The following SIPA1L3 variants were observed in gnomAD, a reference collection of about 807,000 sequenced individuals.
SIPA1L3 encodes signal induced proliferation associated 1 like 3.
In SIPA1L3, 59 loss-of-function variants were observed where a neutral mutation model predicts 150.1. That is an observed-to-expected ratio of 0.39 (90% CI 0.32 to 0.49). The LOEUF (loss-of-function observed/expected upper bound fraction) is 0.49. SIPA1L3 is among the 20% of genes least tolerant of loss of function. SIPA1L3 has a pLI of 0.86. For synonymous variants in SIPA1L3, 1,070 were observed against 1,077.6 expected (o/e 0.99, Z 0.14); for missense variants, 2,211 against 2,489.5 (o/e 0.89, Z 2.38).
At chr19:38,136,597 C>G (rs1276635407) in intron 10 of SIPA1L3, among the ~76,000 whole-genome samples, 2 of 152,098 alleles carry the variant, frequency 1.3e-5, no homozygotes, top group Non-Finnish European at 2.9e-5. Flanking sequence ...CAGCAAGACT[C>G]CGTCTCAAAA....
intron 9 of SIPA1L3, among the ~76,000 whole-genome samples, chr19:38,127,040 A>G (rs1266213173): frequency 6.6e-6 from 1 of 152,112 alleles, no homozygotes; most frequent in African/African-American, 2.4e-5. Flanking sequence ...TAAAAATACA[A>G]AATTAGCTGG....
At chr19:38,170,170 G>A (rs1457213169) in intron 15 of SIPA1L3, among the ~76,000 whole-genome samples, 2 of 152,142 alleles carry the variant, frequency 1.3e-5, no homozygotes, top group East Asian at 3.9e-4. Context: ...GCTAGCCAGG[G>A]AAGTCAGGAG....
chr19:38,049,329 C>T (rs2145756322), intron 2 of SIPA1L3, among the ~76,000 whole-genome samples: 1 of 152,304 alleles, frequency 6.6e-6, no homozygotes, highest in Admixed American at 6.5e-5. Flanking sequence ...GAGTCAGCTT[C>T]CGGGGTTTGG....
At chr19:38,053,005 A>G (rs1450003783) in intron 2 of SIPA1L3, among the ~76,000 whole-genome samples, 1 of 152,242 alleles carries the variant, frequency 6.6e-6, no homozygotes, top group Non-Finnish European at 1.5e-5. Context: ...GGGCCACACT[A>G]GAGGCCAGAG....
Position 38,208,069 on chromosome 19 carries a change from C to T in SIPA1L3, c.*1829C>T, listed in dbSNP as rs1416699772. 1 of 129,792 alleles carries T rather than the reference C, an allele frequency of 7.7e-6. No individual in the cohort carries two copies. Among genetic ancestry groups the T allele is most frequent in the Non-Finnish European group, 1.6e-5 (1 of 63,792 alleles). 8.0% of individuals were successfully genotyped at this position (129,792 alleles called of 1,614,324 possible). Reference sequence around the variant, plus strand: ...TTTTTCAGTTGTCTCCTCCCATCTTCAGATCATTCGAATCATTTTGGGGAC... The same window carrying T: ...TTTTTCAGTTGTCTCCTCCCATCTTTAGATCATTCGAATCATTTTGGGGAC... On this transcript the variant is annotated 3_prime_UTR_variant, in exon 22 of 22. Coordinates refer to ENST00000222345, the MANE Select transcript of SIPA1L3 (RefSeq NM_015073.3).
Position 37,945,078 on chromosome 19 carries a change from A to G in SIPA1L3, c.-379+37720A>G, listed in dbSNP as rs73031218. 6.9e-3 allele frequency among the ~76,000 whole-genome samples: 1,045 copies of G among 152,336 alleles called. 5 individuals carry two copies. Among genetic ancestry groups the G allele is most frequent in the Non-Finnish European group, 9.6e-3 (655 of 68,038 alleles). On this transcript the variant is annotated intron_variant, in intron 1 of 21. Transcript: ENST00000222345. ...TATAGTTGGGGAAAAATAATCTAAC[A>G]TAAAGCCTATTTTATAGTAAAGTGC...
chr19:38,203,988 C>T, intron 20 of SIPA1L3, 139 bp from the exon 21 acceptor site: 2 of 649,206 alleles, frequency 3.1e-6, no homozygotes, highest in Non-Finnish European at 5.3e-6. Context: ...CTTCCTGCTT[C>T]CCCTCAGAGC....
chr19:38,086,263 C>T (rs1970129563), intron 3 of SIPA1L3, among the ~76,000 whole-genome samples: 1 of 151,622 alleles, frequency 6.6e-6, no homozygotes, highest in Admixed American at 6.6e-5. Flanking sequence ...AAATAAAGAT[C>T]AAATAAGATT....
In SIPA1L3 at chr19:38,081,426, C is replaced by T; in HGVS notation, c.-140C>T. ...GGTGGAGAACTGGACTCCACAGGCT[C>T]ACAACCTTCCTGTCAGGTTTCAGGG... is the stretch of plus-strand genomic sequence containing the variant. On this transcript the variant is annotated 5_prime_UTR_variant, in exon 3 of 22. Coordinates refer to ENST00000222345, the MANE Select transcript of SIPA1L3 (RefSeq NM_015073.3). 2.6e-6 allele frequency: 2 copies of T among 776,282 alleles called. No individual in the cohort carries two copies. Among genetic ancestry groups the T allele is most frequent in the South Asian group, 1.8e-5 (1 of 54,518 alleles). 48.1% of individuals were successfully genotyped at this position (776,282 alleles called of 1,614,324 possible). A position where few individuals can be genotyped will look rare whatever the true frequency, so the allele number is the denominator to read the frequency against.
chr19:38,048,818 C>T (rs1222206879), intron 2 of SIPA1L3, among the ~76,000 whole-genome samples: 1 of 152,090 alleles, frequency 6.6e-6, no homozygotes, highest in Admixed American at 6.6e-5. Context: ...AGGCTGGGCG[C>T]GGTGGCTCAC....
Position 38,124,446 on chromosome 19 carries a change from C to T in SIPA1L3, c.2868+4564C>T, listed in dbSNP as rs1600103722. On this transcript the variant is annotated intron_variant, in intron 9 of 21. Transcript: ENST00000222345. The stretch of plus-strand genomic sequence containing the variant: ...GTTCCTCACTTCCTAGATGGGATGG[C>T]GGCCGGGAAGAGGCGCTCCTCACTT... Among the ~76,000 whole-genome samples, 5 of 151,524 alleles carry T rather than the reference C, an allele frequency of 3.3e-5. No homozygotes were observed. The South Asian group carries it at 1.0e-3, about 32-fold the overall frequency.
intron 1 of SIPA1L3, among the ~76,000 whole-genome samples, chr19:37,930,846 C>T (rs1226623753): frequency 1.4e-5 from 2 of 140,186 alleles, no homozygotes; most frequent in Non-Finnish European, 3.1e-5. Context: ...CAACCCCCAA[C>T]AGCACCCGAC....
intron 1 of SIPA1L3, among the ~76,000 whole-genome samples, chr19:37,914,289 C>T (rs554421725): frequency 4.6e-5 from 7 of 151,992 alleles, no homozygotes; most frequent in African/African-American, 1.2e-4. Flanking sequence ...TGTTAAGGCC[C>T]GGAGGTGGGA....
At chr19:38,131,202 G>A (rs1056986238) in intron 10 of SIPA1L3, among the ~76,000 whole-genome samples, 3 of 152,192 alleles carry the variant, frequency 2.0e-5, no homozygotes, top group Non-Finnish European at 2.9e-5. Context: ...GTTCTACAGG[G>A]AAAGACAGGC....
At chr19:38,126,106 G>A (rs191662434) in intron 9 of SIPA1L3, among the ~76,000 whole-genome samples, 31 of 152,184 alleles carry the variant, frequency 2.0e-4, no homozygotes, top group Non-Finnish European at 3.4e-4. Context: ...CCCGGGAGGC[G>A]GAGGTTGCAG....
intron 1 of SIPA1L3, among the ~76,000 whole-genome samples, chr19:37,997,737 C>T (rs1599881507): frequency 6.6e-6 from 1 of 150,762 alleles, no homozygotes; most frequent in Admixed American, 6.6e-5. Flanking sequence ...CGCAGTGGTG[C>T]GCTCCTGTAG....
At chr19:38,067,287 TCTA>T (rs543019075) in intron 2 of SIPA1L3, among the ~76,000 whole-genome samples, 46 of 152,242 alleles carry the variant, frequency 3.0e-4, no homozygotes, top group Non-Finnish European at 5.0e-4. Flanking sequence ...GGGAGAAAAC[TCTA>T]CTGATTTAAC....
rs35422339 is a variant in SIPA1L3 at position 38,008,217 on chromosome 19, C to CTTTT, written c.-378-20847_-378-20844dup. On this transcript the variant is annotated intron_variant, in intron 1 of 21. Coordinates refer to ENST00000222345, the MANE Select transcript of SIPA1L3 (RefSeq NM_015073.3). ...AGAGGTGAGAAATCACCATAGGCTGCTTTTTTTTTTTTTTTTTTTTTTTTT... is the reference window on the plus strand; with the variant it reads ...AGAGGTGAGAAATCACCATAGGCTGCTTTTTTTTTTTTTTTTTTTTTTTTTTTTT... Among the ~76,000 whole-genome samples the CTTTT allele has an allele frequency of 2.5e-3, 124 of 50,126 alleles. 39 individuals carry two copies. Among genetic ancestry groups the CTTTT allele is most frequent in the Non-Finnish European group, 3.3e-3 (90 of 27,596 alleles). 32.9% of individuals were successfully genotyped at this position (50,126 alleles called of 152,430 possible).
Position 38,206,439 on chromosome 19 carries a change from G to A in SIPA1L3, c.*199G>A, listed in dbSNP as rs375736542. On this transcript the variant is annotated 3_prime_UTR_variant, in exon 22 of 22. Coordinates refer to ENST00000222345, the MANE Select transcript of SIPA1L3 (RefSeq NM_015073.3). ...GCACAGCCCTCATGCCCCAGAGGGC[G>A]AAGTGGTCTCAGGCCTCCCTCCAAG... 6.7e-4 allele frequency: 411 copies of A among 617,056 alleles called. 3 individuals carry two copies. The East Asian group carries it at 7.4e-3, about 11-fold the overall frequency. The allele number at this position is 617,056 out of a possible 1,614,324, so 38.2% of individuals were successfully genotyped here.
Sources: allele counts gnomAD v4.1 joint callset (sites outside exome capture counted in the v4.1 genomes callset), GRCh38; gene constraint gnomAD v4.1.1; transcripts MANE v1.5; gene names NCBI Gene and HGNC (gene_info 2026-07-23, HGNC 2026-07-21).